The following MAP2K5 variants were observed in gnomAD, a reference collection of about 807,000 sequenced individuals.
MAP2K5 encodes the protein dual specificity mitogen-activated protein kinase kinase 5.
In MAP2K5, 49 loss-of-function variants were observed where a neutral mutation model predicts 83.1. That is an observed-to-expected ratio of 0.59 (90% CI 0.47 to 0.75). The LOEUF is 0.75. Among genes scored for constraint, MAP2K5 ranks in the 30% least tolerant of loss-of-function variants. The pLI, the probability that MAP2K5 is intolerant of heterozygous loss-of-function variation, is 0.00. For synonymous variants in MAP2K5, 202 were observed against 191.8 expected (o/e 1.05, Z -0.44); for missense variants, 457 against 557.5 (o/e 0.82, Z 1.82).
chr15:67,649,766 T>C (rs2086910356), intron 11 of MAP2K5, among the ~76,000 whole-genome samples: 1 of 152,226 alleles, frequency 6.6e-6, no homozygotes, highest in Non-Finnish European at 1.5e-5. Context: ...TTTTTAAGTT[T>C]CAAATCGAGA....
intron 17 of MAP2K5, among the ~76,000 whole-genome samples, chr15:67,739,306 A>G (rs2089416239): frequency 6.7e-6 from 1 of 149,666 alleles, no homozygotes; most frequent in East Asian, 1.9e-4. Flanking sequence ...AGATAAAGTA[A>G]GTCAAACTTT....
At chr15:67,765,980 A>G (rs1329696466) in intron 19 of MAP2K5, among the ~76,000 whole-genome samples, 1 of 152,184 alleles carries the variant, frequency 6.6e-6, no homozygotes, top group Non-Finnish European at 1.5e-5. Flanking sequence ...CACAAGGCAA[A>G]GGCATCACTC....
Position 67,779,501 on chromosome 15 carries a change from ATG to A in MAP2K5, c.1242+6757_1242+6758del, listed in dbSNP as rs1298945906. The stretch of plus-strand genomic sequence containing the variant: ...TTTCACAAGACTTTAGCAGATAAAT[ATG>A]TGTGTGTATGTATATGTCTTTATAT... On this transcript the variant is annotated intron_variant, in intron 21 of 21. Transcript: ENST00000178640. The surrounding 1 kb of genome is among the most constrained non-coding windows in gnomAD (Gnocchi z 4.6). 6.6e-6 allele frequency among the ~76,000 whole-genome samples: 1 copy of A among 152,250 alleles called. No individual in the cohort carries two copies. The highest frequency in any genetic ancestry group is 2.1e-4 in the South Asian group (1 of 4,836).
At chr15:67,788,793 G>T (rs1357951375) in intron 21 of MAP2K5, among the ~76,000 whole-genome samples, 5 of 152,064 alleles carry the variant, frequency 3.3e-5, no homozygotes, top group African/African-American at 9.7e-5. Flanking sequence ...GGGCAACATA[G>T]TGAGACCCTG....
In MAP2K5 at chr15:67,627,977, T is replaced by C. The variant is rs1596678009; in HGVS notation, c.546-2911T>C. 4 of 763,974 alleles carry C rather than the reference T, an allele frequency of 5.2e-6. No individual in the cohort carries two copies. The East Asian group carries it at 1.2e-4, about 23-fold the overall frequency. The allele number at this position is 763,974 out of a possible 1,614,324, so 47.3% of individuals were successfully genotyped here. ...TAAGCAATGGGGAACACTCACAGAC[T>C]GTGGTAATGAGAGATCCAAGCACCA... On this transcript the variant is annotated intron_variant, in intron 8 of 21. Coordinates refer to ENST00000178640, the MANE Select transcript of MAP2K5 (RefSeq NM_145160.3).
rs112423380 is a variant in MAP2K5 at position 67,800,233 on chromosome 15, T to C, written c.1243-6413T>C. Among the ~76,000 whole-genome samples, 566 of 152,390 alleles carry C rather than the reference T, an allele frequency of 3.7e-3. 4 individuals carry two copies. The highest frequency in any genetic ancestry group is 0.013 in the African/African-American group (540 of 41,590). ...AAGTTTTCTCCGGGGATTAGATTGG[T>C]AGCTTTAAAACTTTAACAGTGGAAC... On this transcript the variant is annotated intron_variant, in intron 21 of 21. Coordinates refer to ENST00000178640, the MANE Select transcript of MAP2K5 (RefSeq NM_145160.3).
At chr15:67,796,101 T>C (rs1314025238) in intron 21 of MAP2K5, among the ~76,000 whole-genome samples, 1 of 152,260 alleles carries the variant, frequency 6.6e-6, no homozygotes, top group Non-Finnish European at 1.5e-5. Flanking sequence ...TCTCTGCATT[T>C]TGTTGTTGAT....
intron 12 of MAP2K5, among the ~76,000 whole-genome samples, chr15:67,662,947 C>T (rs1051536492): frequency 4.6e-5 from 7 of 152,062 alleles, no homozygotes; most frequent in African/African-American, 1.7e-4. Context: ...TTGGGGGGAG[C>T]TTTTTATTTT....
At chr15:67,617,188 A>G (rs2086074295) in intron 8 of MAP2K5, among the ~76,000 whole-genome samples, 2 of 152,178 alleles carry the variant, frequency 1.3e-5, no homozygotes, top group Non-Finnish European at 2.9e-5. Flanking sequence ...GACATAGGAT[A>G]TTGTCAGTTA....
chr15:67,567,977 A>T (rs1368798383), intron 3 of MAP2K5, among the ~76,000 whole-genome samples: 1 of 152,164 alleles, frequency 6.6e-6, no homozygotes, highest in East Asian at 1.9e-4. Context: ...CAGCCAATAC[A>T]TCTTGCTTTT....
chr15:67,796,949 G>A (rs2090615491), intron 21 of MAP2K5, among the ~76,000 whole-genome samples: 1 of 152,150 alleles, frequency 6.6e-6, no homozygotes, highest in Non-Finnish European at 1.5e-5. Flanking sequence ...TCTAGGAACC[G>A]GCACACATTG....
rs1046000391 is a variant in MAP2K5 at position 67,779,171 on chromosome 15, G to A, written c.1242+6419G>A. ...ATCATGCACAAAAGTCATCACAACA[G>A]CAAGGGGGCCCCACGTAGGGTCCAG... On this transcript the variant is annotated intron_variant, in intron 21 of 21. Coordinates refer to ENST00000178640, the MANE Select transcript of MAP2K5 (RefSeq NM_145160.3). This position sits in a 1 kb window ranked among gnomAD's most constrained non-coding sequence, Gnocchi z 4.6. 7.9e-5 allele frequency among the ~76,000 whole-genome samples: 12 copies of A among 152,270 alleles called. No individual in the cohort carries two copies. Among genetic ancestry groups the A allele is most frequent in the Admixed American group, 7.2e-4 (11 of 15,296 alleles).
chr15:67,608,453 G>T (rs984059948), intron 8 of MAP2K5, among the ~76,000 whole-genome samples: 1 of 152,174 alleles, frequency 6.6e-6, no homozygotes, highest in Admixed American at 6.5e-5. Flanking sequence ...CTTGTGTCTG[G>T]ATAGATGAGG....
At chr15:67,658,486 C>T in intron 11 of MAP2K5, 67 bp from the exon 12 acceptor site, 4 of 1,231,452 alleles carry the variant, frequency 3.2e-6, no homozygotes, top group Non-Finnish European at 4.8e-6. Context: ...AGTGAACACA[C>T]AGGAGAAGCC....
rs181387962 is a variant in MAP2K5 at position 67,719,884 on chromosome 15, C to G, written c.1045-8032C>G. 1.1e-3 allele frequency among the ~76,000 whole-genome samples: 167 copies of G among 152,308 alleles called. 1 individual carries two copies. The highest frequency in any genetic ancestry group is 3.9e-3 in the African/African-American group (163 of 41,568). On this transcript the variant is annotated intron_variant, in intron 16 of 21. Coordinates refer to ENST00000178640, the MANE Select transcript of MAP2K5 (RefSeq NM_145160.3). The surrounding 1 kb of genome is among the most constrained non-coding windows in gnomAD (Gnocchi z 4.6). ...ACTTTATGTCTCTTTAACTCAGAGT[C>G]TCTCACGAATTTCCTCTCAGTGCAC...
chr15:67,586,256 G>A (rs1392706043), intron 5 of MAP2K5, among the ~76,000 whole-genome samples: 3 of 152,136 alleles, frequency 2.0e-5, no homozygotes, highest in South Asian at 2.1e-4. Context: ...AAGCACATAA[G>A]CATATTGCAC....
rs376443801 is a variant in MAP2K5 at position 67,755,131 on chromosome 15, C to T, written c.1134+6530C>T. ...CTAGGATTACAGGTGTGCACCACCA[C>T]GCCCAGCTAATTTTTTTGTGTGTTT... is the stretch of plus-strand genomic sequence containing the variant. On this transcript the variant is annotated intron_variant, in intron 19 of 21. Coordinates refer to ENST00000178640, the MANE Select transcript of MAP2K5 (RefSeq NM_145160.3). The surrounding 1 kb of genome is among the most constrained non-coding windows in gnomAD (Gnocchi z 4.7). Among the ~76,000 whole-genome samples the T allele has an allele frequency of 3.3e-5, 5 of 152,186 alleles. No homozygotes were observed. The highest frequency in any genetic ancestry group is 4.2e-4 in the South Asian group (2 of 4,802).
chr15:67,737,532 A>G (rs1274660568), intron 17 of MAP2K5, among the ~76,000 whole-genome samples: 8 of 151,992 alleles, frequency 5.3e-5, no homozygotes, highest in African/African-American at 1.9e-4. Context: ...CTTCAGTGCC[A>G]ATAAAACAGA....
intron 13 of MAP2K5, among the ~76,000 whole-genome samples, chr15:67,672,637 T>A (rs2087571561): frequency 6.6e-6 from 1 of 150,408 alleles, no homozygotes; most frequent in South Asian, 2.1e-4. Flanking sequence ...TGGTAGTTTC[T>A]TTTGCTGTGC....
Sources: allele counts gnomAD v4.1 joint callset (sites outside exome capture counted in the v4.1 genomes callset), GRCh38; gene constraint gnomAD v4.1.1; non-coding constraint Gnocchi (gnomAD v3.1); transcripts MANE v1.5; gene names NCBI Gene and HGNC (gene_info 2026-07-23, HGNC 2026-07-21).